Variants in VWF observed in about 807,000 individuals in gnomAD.
VWF encodes von Willebrand factor.
A neutral mutation model predicts 308.6 loss-of-function variants in VWF; 176 were observed. The observed-to-expected ratio is 0.57, with a 90% CI of 0.50 to 0.65. VWF has a LOEUF of 0.65. Ranked by LOEUF, VWF falls within the 30% of genes least tolerant of loss-of-function variation. The pLI, the probability that VWF is intolerant of heterozygous loss-of-function variation, is 0.00. For synonymous variants in VWF, 1,385 were observed against 1,443.4 expected (o/e 0.96, Z 0.92); for missense variants, 3,146 against 3,648.2 (o/e 0.86, Z 3.55).
chr12:5,987,613 G>C (rs932201209), intron 38 of VWF, among the ~76,000 whole-genome samples: 8 of 152,192 alleles, frequency 5.3e-5, no homozygotes, highest in African/African-American at 1.9e-4. Context: ...ATCTGAATGA[G>C]AAAAATAAAT....
chr12:6,123,983 T>A (rs894217303), intron 1 of VWF, among the ~76,000 whole-genome samples: 9 of 152,072 alleles, frequency 5.9e-5, no homozygotes, highest in African/African-American at 2.2e-4. Context: ...TCACTGGGGG[T>A]GACTCCCTTC....
rs1029092876 is a variant in VWF at position 6,022,887 on chromosome 12, C to T, written c.3391G>A (p.Glu1131Lys). Residue 1131 changes from glutamate to lysine, a missense_variant, in exon 26 of 52, where the codon GAG becomes AAG. Glu to Lys is a moderately conservative substitution (Grantham distance 56, BLOSUM62 1). Around this residue, in one of 3 missense-constraint regions of VWF, gnomAD observed 853 missense variants for 1,177.8 expected, o/e 0.72. Coordinates refer to ENST00000261405, the MANE Select transcript of VWF (RefSeq NM_000552.5). ...RTATLCPQSCEERNLRENGYE... is the reference protein window; with the variant it reads ...RTATLCPQSCKERNLRENGYE... The stretch of plus-strand genomic sequence containing the variant: ...CCGTTCTCCCGGAGATTCCTCTCCT[C>T]GCAGCTCTGGGCTGTGTAGACAGGA... The T allele has an allele frequency of 4.3e-5, 22 of 506,682 alleles. No individual in the cohort carries two copies. Among genetic ancestry groups the T allele is most frequent in the African/African-American group, 3.7e-4 (16 of 42,758 alleles). The allele number at this position is 506,682 out of a possible 1,614,324, so 31.4% of individuals were successfully genotyped here. A position where few individuals can be genotyped will look rare whatever the true frequency, so the allele number is the denominator to read the frequency against.
Position 5,958,890 on chromosome 12 carries a change from A to G in VWF, c.7888-5296T>C, listed in dbSNP as rs1591831070. ...ATTGTTGCCAAGCTTAGATAGGACT[A>G]GAGACAGCCTAAGATGAGGAATGTT... On this transcript the variant is annotated intron_variant, in intron 47 of 51. Coordinates refer to ENST00000261405, the MANE Select transcript of VWF (RefSeq NM_000552.5). Among the ~76,000 whole-genome samples the G allele has an allele frequency of 1.3e-5, 2 of 152,292 alleles. 1 individual carries two copies. The highest frequency in any genetic ancestry group is 1.3e-4 in the Admixed American group (2 of 15,306).
intron 3 of VWF, among the ~76,000 whole-genome samples, chr12:6,111,447 G>A (rs142171044): frequency 2.0e-3 from 302 of 152,196 alleles, no homozygotes; most frequent in Non-Finnish European, 2.8e-3. Flanking sequence ...AACATGGCTC[G>A]CTGCAGTTTC....
In VWF at chr12:6,046,857, G is replaced by A. The variant is rs532240848; in HGVS notation, c.2187-40C>T. Reference sequence around the variant, plus strand: ...ATCATAGCCGAGCTTCACGAGACTCGTCTATACTCGCTGCCTCCACATCTT... The same window carrying A: ...ATCATAGCCGAGCTTCACGAGACTCATCTATACTCGCTGCCTCCACATCTT... On this transcript the variant is annotated intron_variant, in intron 16 of 51. Transcript: ENST00000261405. This position sits in a 1 kb window ranked among gnomAD's most constrained non-coding sequence, Gnocchi z 5.0. 7.6e-6 allele frequency: 12 copies of A among 1,582,712 alleles called. No homozygotes were observed. Among genetic ancestry groups the A allele is most frequent in the East Asian group, 4.5e-5 (2 of 44,642 alleles).
At chr12:6,007,991 G>T (rs985250796) in intron 34 of VWF, among the ~76,000 whole-genome samples, 2 of 152,110 alleles carry the variant, frequency 1.3e-5, no homozygotes, top group African/African-American at 4.8e-5. Flanking sequence ...AAGCCTGAAT[G>T]ATGAATAAAC....
chr12:6,050,318 AC>A (rs1944494821), intron 16 of VWF, among the ~76,000 whole-genome samples: 1 of 151,776 alleles, frequency 6.6e-6, no homozygotes, highest in Admixed American at 6.6e-5. Context: ...CTCCATTTCT[AC>A]TGCTATCGCT....
At chr12:6,085,714 C>T (rs1038716893) in intron 6 of VWF, among the ~76,000 whole-genome samples, 37 of 1,234 alleles carry the variant, frequency 0.03, no homozygotes, top group Non-Finnish European at 0.015. Flanking sequence ...GGCCTGTGGG[C>T]GGGGAGGGGG....
intron 47 of VWF, among the ~76,000 whole-genome samples, chr12:5,964,702 C>A (rs1383102117): frequency 6.6e-6 from 1 of 152,132 alleles, no homozygotes; most frequent in African/African-American, 2.4e-5. Context: ...ATGAACTTGG[C>A]GTGTCTTCAG....
chr12:6,052,230 T>A (rs1351782422), intron 16 of VWF, among the ~76,000 whole-genome samples: 1 of 152,064 alleles, frequency 6.6e-6, no homozygotes, highest in Non-Finnish European at 1.5e-5. Flanking sequence ...GACAGGCAGA[T>A]CTCCCTTTTC....
intron 3 of VWF, among the ~76,000 whole-genome samples, chr12:6,111,513 C>G (rs1324126279): frequency 6.6e-6 from 1 of 152,174 alleles, no homozygotes; most frequent in African/African-American, 2.4e-5. Context: ...ACTGGGATCA[C>G]AAGTATGTAC....
At position 6,088,920 on chromosome 12, in the gene VWF, A is replaced by G. The variant is rs193003592; in HGVS notation, c.657+6540T>C. Among the ~76,000 whole-genome samples, 17 of 152,370 alleles carry G rather than the reference A, an allele frequency of 1.1e-4. No homozygotes were observed. In the East Asian group the frequency reaches 3.1e-3, roughly 28 times the overall value. ...ACAAGGAAACATTCATTCCCTAGGT[A>G]TAACTAACAAGTAATATGACCTGGC... On this transcript the variant is annotated intron_variant, in intron 6 of 51. Coordinates refer to ENST00000261405, the MANE Select transcript of VWF (RefSeq NM_000552.5).
chr12:5,982,831 T>A (rs1449174339), intron 41 of VWF, among the ~76,000 whole-genome samples: 1 of 151,198 alleles, frequency 6.6e-6, no homozygotes, highest in Non-Finnish European at 1.5e-5. Flanking sequence ...CTCCCCTTGA[T>A]GACATACAGG....
In VWF at chr12:6,044,294, GCC is replaced by G; in HGVS notation, c.2437_2438del (p.Gly813HisfsTer5). On this transcript the variant is annotated frameshift_variant, in exon 18 of 52. Transcript: ENST00000261405. LOFTEE classifies it high-confidence loss of function. ...GCVSGCLCPP[G>X]MVRHENRCVA... is the part of the protein sequence containing the mutation. ...AGCTCTGTGCCTGGTGACTCACCATGCCCGGGGGGCAGAGGCAGCCAGAGACA... is the reference window on the plus strand; with the variant it reads ...AGCTCTGTGCCTGGTGACTCACCATGCGGGGGGCAGAGGCAGCCAGAGACA... 1 of 1,614,070 alleles carries G rather than the reference GCC, an allele frequency of 6.2e-7. No homozygotes were observed. The highest frequency in any genetic ancestry group is 8.5e-7 in the Non-Finnish European group (1 of 1,179,996).
At chr12:6,109,809 C>A (rs932152192) in intron 5 of VWF, among the ~76,000 whole-genome samples, 1 of 152,176 alleles carries the variant, frequency 6.6e-6, no homozygotes, top group Non-Finnish European at 1.5e-5. Flanking sequence ...CGCCACCACG[C>A]CTGGCTAATT....
In VWF at chr12:6,024,379, C is replaced by T. The variant is rs910120124; in HGVS notation, c.3223-592G>A. ...CTGGACTTTTTCAGGGCAGTTATGACAGAAAATGAATTCAGACACTGAGTG... is the reference window on the plus strand; with the variant it reads ...CTGGACTTTTTCAGGGCAGTTATGATAGAAAATGAATTCAGACACTGAGTG... On this transcript the variant is annotated intron_variant, in intron 24 of 51. Transcript: ENST00000261405. This position sits in a 1 kb window ranked among gnomAD's most constrained non-coding sequence, Gnocchi z 4.0. Among the ~76,000 whole-genome samples the T allele has an allele frequency of 6.6e-6, 1 of 152,214 alleles. No homozygotes were observed. The highest frequency in any genetic ancestry group is 2.4e-5 in the African/African-American group (1 of 41,452).
intron 43 of VWF, among the ~76,000 whole-genome samples, chr12:5,974,020 G>C (rs552367408): frequency 1.8e-4 from 28 of 152,190 alleles, no homozygotes; most frequent in Non-Finnish European, 2.8e-4. Flanking sequence ...CTATGGAGGA[G>C]CTTGGGGAAA....
rs774353488 is a variant in VWF, at chr12:6,057,063, G to C, written c.1739C>G (p.Ser580Cys). Residue 580 changes from serine (S) to cysteine (C), a missense_variant, in exon 15 of 52, where the codon TCC (serine) becomes TGC (cysteine). Coordinates refer to ENST00000261405, the MANE Select transcript of VWF (RefSeq NM_000552.5). Reference sequence around the variant, plus strand: ...CGTCAGGACCGCGCACGCCTCCTCGGAGAACCTGGCTGTGGGGCGAGAGGA... The same window carrying C: ...CGTCAGGACCGCGCACGCCTCCTCGCAGAACCTGGCTGTGGGGCGAGAGGA... ...CALNPRMTRF[S>C]EEACAVLTSP... The C allele has an allele frequency of 1.3e-6, 2 of 1,540,484 alleles. No homozygotes were observed. Among genetic ancestry groups the C allele is most frequent in the East Asian group, 4.8e-5 (2 of 41,574 alleles).
chr12:5,992,001 A>G lies in VWF; in HGVS notation c.6616T>C (p.Ser2206Pro), dbSNP rs1173257947. 1.2e-5 allele frequency: 19 copies of G among 1,614,044 alleles called. No individual in the cohort carries two copies. The highest frequency in any genetic ancestry group is 1.4e-5 in the Non-Finnish European group (17 of 1,180,038). Residue 2206 changes from serine (S) to proline (P), a missense_variant, in exon 38 of 52, where the codon TCT becomes CCT. Physicochemically the swap from Ser to Pro is moderately conservative, Grantham distance 74. Coordinates refer to ENST00000261405, the MANE Select transcript of VWF (RefSeq NM_000552.5). ...PDFCAMSCPP[S>P]LVYNHCEHGC... Reference sequence around the variant, plus strand: ...TGCTCACAGTGGTTGTAGACCAGAGATGGTGGGCATGACATAGCTGTAGAC... The same window carrying G: ...TGCTCACAGTGGTTGTAGACCAGAGGTGGTGGGCATGACATAGCTGTAGAC...
Sources: allele counts gnomAD v4.1 joint callset (sites outside exome capture counted in the v4.1 genomes callset), GRCh38; gene constraint gnomAD v4.1.1; regional missense constraint gnomAD v4.1.1; non-coding constraint Gnocchi (gnomAD v3.1); transcripts MANE v1.5; gene names NCBI Gene and HGNC (gene_info 2026-07-23, HGNC 2026-07-21).